MAP3K13: variants seen among roughly 807,000 people sequenced by gnomAD.
MAP3K13 encodes leucine zipper-bearing kinase.
MAP3K13 carries 52 observed loss-of-function variants against 104.0 expected under a neutral mutation model. The observed-to-expected ratio is 0.50, with a 90% CI of 0.40 to 0.63. The LOEUF is 0.63. Ranked by LOEUF, MAP3K13 falls within the 20% of genes least tolerant of loss-of-function variation. The pLI is 0.00. For missense variants in MAP3K13, 914 were observed against 1,218.5 expected (o/e 0.75, Z 3.72); for synonymous variants, 394 against 442.2 (o/e 0.89, Z 1.37).
At chr3:185,294,982 A>T (rs1043437201) in intron 2 of MAP3K13, among the ~76,000 whole-genome samples, 18 of 151,422 alleles carry the variant, frequency 1.2e-4, no homozygotes, top group African/African-American at 4.1e-4. Flanking sequence ...TTTTGTATTT[A>T]CTCCTCCCCC....
Position 185,428,526 on chromosome 3 carries a change from C to G in MAP3K13, c.-56C>G, listed in dbSNP as rs1193748539. On this transcript the variant is annotated 5_prime_UTR_variant, in exon 2 of 14. Coordinates refer to ENST00000265026, the MANE Select transcript of MAP3K13 (RefSeq NM_004721.5). ...TGGAGCCCTCTCTTAAGTCAGAACT[C>G]TGTCCCAAAAATCTTCTGAGTGTCA... 1 of 1,517,098 alleles carries G rather than the reference C, an allele frequency of 6.6e-7. No homozygotes were observed. The highest frequency in any genetic ancestry group is 2.4e-4 in the Middle Eastern group (1 of 4,136). The allele number at this position is 1,517,098 out of a possible 1,614,324, so 94.0% of individuals were successfully genotyped here.
At chr3:185,336,781 C>T (rs979950069) in intron 2 of MAP3K13, among the ~76,000 whole-genome samples, 9 of 151,564 alleles carry the variant, frequency 5.9e-5, no homozygotes, top group Middle Eastern at 3.4e-3. Context: ...AAAATATACT[C>T]TTTTAAAGAA....
At chr3:185,455,593 G>GACATATATATCATAT in intron 7 of MAP3K13, among the ~76,000 whole-genome samples, 1 of 35,452 alleles carries the variant, frequency 2.8e-5, no homozygotes, top group African/African-American at 8.4e-5. Context: ...TGATATATAT[G>GACATATATATCATAT]AGATATATAT....
At chr3:185,390,263 C>G (rs1458485203) in intron 1 of MAP3K13, among the ~76,000 whole-genome samples, 1 of 152,110 alleles carries the variant, frequency 6.6e-6, no homozygotes, top group East Asian at 1.9e-4. Context: ...ATATTTAATT[C>G]TCACAGCAGC....
At chr3:185,369,199 T>C (rs1376418205) in intron 1 of MAP3K13, among the ~76,000 whole-genome samples, 1 of 151,886 alleles carries the variant, frequency 6.6e-6, no homozygotes, top group Non-Finnish European at 1.5e-5. Flanking sequence ...AGGAGAAAAA[T>C]AAAGATGGGA....
intron 7 of MAP3K13, among the ~76,000 whole-genome samples, chr3:185,456,183 C>G (rs1047914323): frequency 2.0e-5 from 3 of 151,878 alleles, no homozygotes; most frequent in Non-Finnish European, 2.9e-5. Context: ...AATGATAAAT[C>G]AGAGACTCCT....
chr3:185,323,274 T>C (rs1721926273), intron 2 of MAP3K13, among the ~76,000 whole-genome samples: 1 of 152,060 alleles, frequency 6.6e-6, no homozygotes, highest in African/African-American at 2.4e-5. Context: ...AGTTTTTCCA[T>C]GACTGTAGTT....
At chr3:185,393,921 G>A (rs752162309) in intron 1 of MAP3K13, among the ~76,000 whole-genome samples, 3 of 152,142 alleles carry the variant, frequency 2.0e-5, no homozygotes, top group African/African-American at 4.8e-5. Flanking sequence ...GAAGATATCA[G>A]CAAGATTTTG....
chr3:185,368,627 G>C (rs59614954), intron 1 of MAP3K13, among the ~76,000 whole-genome samples: 12,752 of 152,090 alleles, frequency 0.084, 704 homozygotes, highest in East Asian at 0.21. Flanking sequence ...GAGGGCCCAT[G>C]TACCGGGCAT....
intron 1 of MAP3K13, among the ~76,000 whole-genome samples, chr3:185,393,218 C>T (rs1177875384): frequency 1.3e-5 from 2 of 151,822 alleles, no homozygotes; most frequent in African/African-American, 2.4e-5. Context: ...TAAAATGAGT[C>T]AAAGATTTTA....
upstream of MAP3K13, among the ~76,000 whole-genome samples, chr3:185,359,994 G>A (rs1200527104): frequency 6.7e-6 from 1 of 149,068 alleles, no homozygotes; most frequent in Non-Finnish European, 1.5e-5. Context: ...CAGAATTATT[G>A]TACCTTAATT....
At chr3:185,396,435 T>C (rs1202938869) in intron 1 of MAP3K13, among the ~76,000 whole-genome samples, 1 of 152,064 alleles carries the variant, frequency 6.6e-6, no homozygotes, top group Non-Finnish European at 1.5e-5. Flanking sequence ...ATAAAAGCAT[T>C]TGAAGGAGTT....
rs1438006609 is a variant in MAP3K13 at position 185,483,491 on chromosome 3, G to A, written c.*1035G>A. 4.4e-6 allele frequency: 1 copy of A among 229,154 alleles called. No individual in the cohort carries two copies. Among genetic ancestry groups the A allele is most frequent in the Non-Finnish European group, 8.6e-6 (1 of 115,646 alleles). The allele number at this position is 229,154 out of a possible 1,614,324, so 14.2% of individuals were successfully genotyped here. On this transcript the variant is annotated 3_prime_UTR_variant, in exon 14 of 14. Transcript: ENST00000265026. Reference sequence around the variant, plus strand: ...ACAGTGGTGTTAGGAAAACGAACGTGGAATTTATAAAACTCCATTCTCAGG... The same window carrying A: ...ACAGTGGTGTTAGGAAAACGAACGTAGAATTTATAAAACTCCATTCTCAGG...
rs542385599 is a variant in MAP3K13, at chr3:185,365,469, A to G, written c.-86+2101A>G. 3.3e-5 allele frequency among the ~76,000 whole-genome samples: 5 copies of G among 152,282 alleles called. No individual in the cohort carries two copies. The South Asian group carries it at 1.0e-3, about 32-fold the overall frequency. ...CACTGGTAGATGACAGAACAACCAT[A>G]CTTCAGATGGCAAAACCGGTCAGTT... On this transcript the variant is annotated intron_variant, in intron 1 of 13. Transcript: ENST00000265026.
chr3:185,472,872 C>T, intron 10 of MAP3K13, 103 bp from the exon 11 acceptor site: 1 of 1,048,652 alleles, frequency 9.5e-7, no homozygotes, highest in Non-Finnish European at 1.4e-6. Context: ...ATCCTGATGA[C>T]TGCTGATTCA....
At chr3:185,444,221 G>A (rs6767723) in intron 4 of MAP3K13, among the ~76,000 whole-genome samples, 152,239 of 152,250 alleles carry the variant, frequency 1, 76,114 homozygotes, top group Non-Finnish European at 1. Context: ...CTGTAGTCCC[G>A]GCTACTTGGG....
intron 1 of MAP3K13, among the ~76,000 whole-genome samples, chr3:185,403,448 TAA>T (rs1284524897): frequency 6.6e-6 from 1 of 152,244 alleles, no homozygotes; most frequent in Non-Finnish European, 1.5e-5. Context: ...ATGGCTATAG[TAA>T]ATGCTCTGTT....
chr3:185,329,960 A>G (rs138861764), intron 2 of MAP3K13, among the ~76,000 whole-genome samples: 16 of 144,812 alleles, frequency 1.1e-4, no homozygotes, highest in African/African-American at 4.1e-4. Context: ...GCTGACTGCA[A>G]GGTCCGCCTC....
In MAP3K13 at chr3:185,315,649, A is replaced by G. The variant is rs1272173707; in HGVS notation, c.-86+30006A>G. Among the ~76,000 whole-genome samples, 1 of 152,222 alleles carries G rather than the reference A, an allele frequency of 6.6e-6. No homozygotes were observed. Among genetic ancestry groups the G allele is most frequent in the Non-Finnish European group, 1.5e-5 (1 of 68,028 alleles). On this transcript the variant is annotated intron_variant, in intron 2 of 14. Transcript: ENST00000424227. This position sits in a 1 kb window ranked among gnomAD's most constrained non-coding sequence, Gnocchi z 4.3. The stretch of plus-strand genomic sequence containing the variant: ...TCCAAAACAAGCAAATTGTTTCACT[A>G]TAACACTTAACAAATTTTGTTAGTG...
Sources: allele counts gnomAD v4.1 joint callset (sites outside exome capture counted in the v4.1 genomes callset), GRCh38; gene constraint gnomAD v4.1.1; non-coding constraint Gnocchi (gnomAD v3.1); transcripts MANE v1.5; gene names NCBI Gene and HGNC (gene_info 2026-07-23, HGNC 2026-07-21).